Variants in B9D2 observed in about 807,000 individuals in gnomAD.
B9D2 encodes B9 domain-containing protein 2.
In B9D2, 21 loss-of-function variants were observed where a neutral mutation model predicts 19.2. That is an observed-to-expected ratio of 1.09 (90% CI 0.78 to 1.58). The LOEUF (loss-of-function observed/expected upper bound fraction) is 1.58. Ranked by LOEUF, B9D2 falls within the 40% of genes most tolerant of loss-of-function variation. The pLI is 0.00. For synonymous variants in B9D2, 91 were observed against 100.6 expected (o/e 0.90, Z 0.57); for missense variants, 221 against 244.3 (o/e 0.90, Z 0.64).
Position 41,363,636 on chromosome 19 carries a change from G to A in B9D2, c.-4-113C>T, listed in dbSNP as rs1457650416. On this transcript the variant is annotated intron_variant, in intron 1 of 3. Coordinates refer to ENST00000243578, the MANE Select transcript of B9D2 (RefSeq NM_030578.4). Reference sequence around the variant, plus strand: ...AGGGTAGTACTAGGATTCCAAGCTAGCTTCGTCACACCCCTGAGGCTGAGG... The same window carrying A: ...AGGGTAGTACTAGGATTCCAAGCTAACTTCGTCACACCCCTGAGGCTGAGG... 8 of 939,664 alleles carry A rather than the reference G, an allele frequency of 8.5e-6. No individual in the cohort carries two copies. In the Admixed American group the frequency reaches 1.6e-4, roughly 19 times the overall value. 58.2% of individuals were successfully genotyped at this position (939,664 alleles called of 1,614,324 possible).
chr19:41,355,903 G>GAGT, intron 3 of B9D2, among the ~76,000 whole-genome samples: 1 of 152,312 alleles, frequency 6.6e-6, no homozygotes, highest in South Asian at 2.1e-4. Context: ...GGAAGGAAGG[G>GAGT]AGTAGGCCAT....
intron 3 of B9D2, among the ~76,000 whole-genome samples, chr19:41,357,488 C>T (rs2038332164): frequency 6.6e-6 from 1 of 152,170 alleles, no homozygotes; most frequent in South Asian, 2.1e-4. Flanking sequence ...GCCGCTCCTC[C>T]CCCAGTACTG....
rs2123149093 is a variant in B9D2, at chr19:41,364,036, C to T, written c.-83G>A. ...CATGGGCTTGACTGCTTCTTTTCTCCGCGGGCGCCGACCAGGCCTGGCTCG... is the reference window on the plus strand; with the variant it reads ...CATGGGCTTGACTGCTTCTTTTCTCTGCGGGCGCCGACCAGGCCTGGCTCG... On this transcript the variant is annotated 5_prime_UTR_variant, in exon 1 of 4. Transcript: ENST00000243578. The T allele has an allele frequency of 2.3e-5, 4 of 173,240 alleles. No individual in the cohort carries two copies. The South Asian group carries it at 4.2e-4, about 18-fold the overall frequency. The allele number at this position is 173,240 out of a possible 1,614,324, so 10.7% of individuals were successfully genotyped here. A position where few individuals can be genotyped will look rare whatever the true frequency, so the allele number is the denominator to read the frequency against.
Position 41,362,788 on chromosome 19 carries a change from G to A in B9D2, c.88+644C>T, listed in dbSNP as rs1223593364. 2.6e-5 allele frequency among the ~76,000 whole-genome samples: 4 copies of A among 152,126 alleles called. No individual in the cohort carries two copies. In the East Asian group the frequency reaches 5.8e-4, roughly 22 times the overall value. ...CTGTGCTGCTTCTTAGCTACTATTA[G>A]CTTCACTTTGAAACAAGGAAACTGA... On this transcript the variant is annotated intron_variant, in intron 2 of 3. Transcript: ENST00000243578.
At chr19:41,360,769 A>G (rs1343875950) in intron 2 of B9D2, among the ~76,000 whole-genome samples, 2 of 152,116 alleles carry the variant, frequency 1.3e-5, no homozygotes, top group African/African-American at 4.8e-5. Flanking sequence ...TCGGACTCCC[A>G]AAGTGCTGGG....
chr19:41,357,794 T>TA (rs2038338360), intron 3 of B9D2, 103 bp downstream of exon 3: 1 of 1,527,346 alleles, frequency 6.5e-7, no homozygotes, highest in Non-Finnish European at 9.0e-7. Context: ...ACCTACGTGG[T>TA]ATGGGGAGCA....
chr19:41,357,610 C>T (rs1263538773), intron 3 of B9D2, among the ~76,000 whole-genome samples: 2 of 152,108 alleles, frequency 1.3e-5, no homozygotes, highest in East Asian at 1.9e-4. Context: ...TGGAGACTCT[C>T]GTTTTGTCTC....
intron 3 of B9D2, among the ~76,000 whole-genome samples, chr19:41,356,066 A>G (rs1317532551): frequency 6.6e-6 from 1 of 151,916 alleles, no homozygotes; most frequent in Admixed American, 6.6e-5. Flanking sequence ...AGGTGGGGAG[A>G]CGGGAAGGAG....
chr19:41,356,525 C>A (rs1015802362), intron 3 of B9D2, among the ~76,000 whole-genome samples: 2 of 151,806 alleles, frequency 1.3e-5, no homozygotes, highest in South Asian at 4.2e-4. Context: ...CCAGCTCCAG[C>A]TTAAAAGACA....
rs996000741 is a variant in B9D2 at position 41,354,740 on chromosome 19, A to G, written c.488T>C (p.Leu163Pro). ...GTAGCGGTCGAAGTTGCGGAGCAGC[A>G]GGCCGATCTCCAGGTGCACGGTGCC... is the stretch of plus-strand genomic sequence containing the variant. ...AGGTVHLEIG[L>P]LLRNFDRYGV... is the part of the protein sequence containing the mutation. Residue 163 changes from leucine (L) to proline (P), a missense_variant, in exon 4 of 4, where the codon CTG (leucine) becomes CCG (proline). Physicochemically the swap from Leu to Pro is moderately conservative, Grantham distance 98. Coordinates refer to ENST00000243578, the MANE Select transcript of B9D2 (RefSeq NM_030578.4). 1.2e-6 allele frequency: 2 copies of G among 1,614,046 alleles called. No homozygotes were observed.
At chr19:41,362,669 G>A (rs2038429827) in intron 2 of B9D2, among the ~76,000 whole-genome samples, 1 of 152,198 alleles carries the variant, frequency 6.6e-6, no homozygotes. Context: ...TCGAGGTGAA[G>A]AGAAGTGCCC....
rs953744622 is a variant in B9D2, at chr19:41,363,973, G to A, written c.-20C>T. 1.6e-5 allele frequency: 4 copies of A among 257,046 alleles called. No individual in the cohort carries two copies. The East Asian group carries it at 3.7e-4, about 24-fold the overall frequency. The allele number at this position is 257,046 out of a possible 1,614,324, so 15.9% of individuals were successfully genotyped here. On this transcript the variant is annotated 5_prime_UTR_variant, in exon 1 of 4. Coordinates refer to ENST00000243578, the MANE Select transcript of B9D2 (RefSeq NM_030578.4). ...TCATTCCTACCTTAGCGCACTTAAC[G>A]GTTAGGAGAGGAGAAAGCGGCAACC...
chr19:41,354,901 G>A lies in B9D2; in HGVS notation c.327C>T (p.Ala109=). The A allele has an allele frequency of 1.2e-6, 2 of 1,613,620 alleles. No individual in the cohort carries two copies. The highest frequency in any genetic ancestry group is 1.3e-5 in the African/African-American group (1 of 75,062). Residue 109 remains alanine, a synonymous_variant, in exon 4 of 4, where the codon GCC becomes GCT. Coordinates refer to ENST00000243578, the MANE Select transcript of B9D2 (RefSeq NM_030578.4). ...TGCCCAGGGGCCGCCACGTGGGGCAGGCCAGCTGGTGGGTGCCCGGGCTAC... is the reference window on the plus strand; with the variant it reads ...TGCCCAGGGGCCGCCACGTGGGGCAAGCCAGCTGGTGGGTGCCCGGGCTAC... ...VPSSPGTHQL[A]CPTWRPLGSW...
intron 2 of B9D2, among the ~76,000 whole-genome samples, chr19:41,359,473 C>G (rs1392992975): frequency 2.0e-5 from 3 of 152,006 alleles, no homozygotes; most frequent in Non-Finnish European, 4.4e-5. Flanking sequence ...GAGACTAAGG[C>G]AGGCAGATCA....
chr19:41,359,954 C>T (rs2038377742), intron 2 of B9D2, among the ~76,000 whole-genome samples: 3 of 152,088 alleles, frequency 2.0e-5, no homozygotes, highest in Non-Finnish European at 4.4e-5. Flanking sequence ...CTTCTGACTC[C>T]CCACCTCAGG....
At chr19:41,360,551 G>C (rs946097366) in intron 2 of B9D2, among the ~76,000 whole-genome samples, 2 of 151,924 alleles carry the variant, frequency 1.3e-5, no homozygotes, top group African/African-American at 4.8e-5. Flanking sequence ...TGTTGCCCAA[G>C]CTGGAGTGCA....
chr19:41,359,546 T>C (rs1479946846), intron 2 of B9D2, among the ~76,000 whole-genome samples: 2 of 151,670 alleles, frequency 1.3e-5, no homozygotes, highest in Non-Finnish European at 2.9e-5. Flanking sequence ...ACTAAAAAAA[T>C]ACAAAAATTA....
At chr19:41,358,413 T>G (rs923537371) in intron 2 of B9D2, among the ~76,000 whole-genome samples, 2 of 151,006 alleles carry the variant, frequency 1.3e-5, no homozygotes, top group South Asian at 4.2e-4. Context: ...GCTGGAACTC[T>G]TCAGAGAGTC....
At chr19:41,362,276 G>A (rs1429371081) in intron 2 of B9D2, among the ~76,000 whole-genome samples, 2 of 147,626 alleles carry the variant, frequency 1.4e-5, no homozygotes, top group Admixed American at 1.4e-4. Flanking sequence ...TGTAGTCCCA[G>A]CTATGCAGGA....
Sources: gnomAD v4.1 joint callset for allele counts (sites outside exome capture counted in the v4.1 genomes callset) on GRCh38, gnomAD v4.1.1 for gene constraint, MANE v1.5 for transcripts, NCBI Gene and HGNC (gene_info 2026-07-23, HGNC 2026-07-21) for gene names.